Variants in PTPRM observed in about 807,000 individuals in gnomAD.
The protein encoded by PTPRM is receptor-type tyrosine-protein phosphatase mu.
Under a neutral mutation model 186.7 loss-of-function variants are expected in PTPRM, and 47 were observed. The ratio of observed to expected loss-of-function variants is 0.25; its 90% CI spans 0.20 to 0.32. The LOEUF (loss-of-function observed/expected upper bound fraction) is 0.32, where lower values mean the gene tolerates loss of function less well. Ranked by LOEUF, PTPRM falls within the 10% of genes least tolerant of loss-of-function variation. The pLI, the probability that PTPRM is intolerant of heterozygous loss-of-function variation, is 1.00. For synonymous variants in PTPRM, 668 were observed against 674.9 expected, an observed-to-expected ratio of 0.99 and a Z score of 0.16; for missense variants, 1,494 against 1,865.0, an observed-to-expected ratio of 0.80 and a Z score of 3.66.
intron 1 of PTPRM, among the ~76,000 whole-genome samples, chr18:7,631,903 A>G (rs1017632583): frequency 4.6e-5 from 7 of 152,212 alleles, no homozygotes; most frequent in African/African-American, 1.7e-4. Flanking sequence ...AACACTAAGT[A>G]TGGATGTTAT....
At position 7,865,618 on chromosome 18, in the gene PTPRM, T is replaced by G. The variant is rs570925642; in HGVS notation, c.197-22488T>G. Among the ~76,000 whole-genome samples the G allele has an allele frequency of 3.5e-4, 53 of 152,334 alleles. 1 individual carries two copies. Among genetic ancestry groups the G allele is most frequent in the Admixed American group, 1.7e-3 (26 of 15,294 alleles). On this transcript the variant is annotated intron_variant, in intron 2 of 32. Coordinates refer to ENST00000580170, the MANE Select transcript of PTPRM (RefSeq NM_001105244.2). The stretch of plus-strand genomic sequence containing the variant: ...TTTATTGAGGATTTTCACATCAATG[T>G]TCATCAGGGATATTGGCCTGAAATT...
intron 4 of PTPRM, among the ~76,000 whole-genome samples, chr18:7,924,860 A>G (rs564258252): frequency 6.6e-6 from 1 of 152,270 alleles, no homozygotes; most frequent in East Asian, 1.9e-4. Flanking sequence ...AGATAAGGAA[A>G]GGCACAGATG....
intron 11 of PTPRM, among the ~76,000 whole-genome samples, chr18:8,099,861 A>T (rs1375994106): frequency 6.6e-6 from 1 of 152,182 alleles, no homozygotes; most frequent in Non-Finnish European, 1.5e-5. Context: ...TAATTGTGTG[A>T]CCTGAAGTCA....
chr18:7,745,845 G>A (rs2040974319), intron 1 of PTPRM, among the ~76,000 whole-genome samples: 1 of 152,136 alleles, frequency 6.6e-6, no homozygotes, highest in Non-Finnish European at 1.5e-5. Flanking sequence ...ATCAGTTACT[G>A]GAAATTATAA....
intron 7 of PTPRM, among the ~76,000 whole-genome samples, chr18:8,017,411 AT>A (rs1340857200): frequency 6.6e-6 from 1 of 151,636 alleles, no homozygotes; most frequent in African/African-American, 2.4e-5. Flanking sequence ...ATATACAAAA[AT>A]TTTGTCCTAA....
At chr18:7,631,663 C>T (rs973540759) in intron 1 of PTPRM, among the ~76,000 whole-genome samples, 2 of 152,054 alleles carry the variant, frequency 1.3e-5, no homozygotes, top group African/African-American at 4.8e-5. Flanking sequence ...TTAAGAAGTT[C>T]ATCAGCTATT....
chr18:7,755,421 C>T (rs1331030946), intron 1 of PTPRM: 2 of 152,192 alleles, frequency 1.3e-5, no homozygotes, highest in Admixed American at 6.5e-5. Flanking sequence ...AAAATGGCAG[C>T]ACAGCCTTTT....
chr18:8,194,638 C>T (rs2093751854), intron 14 of PTPRM, among the ~76,000 whole-genome samples: 2 of 152,220 alleles, frequency 1.3e-5, no homozygotes, highest in African/African-American at 4.8e-5. Flanking sequence ...TGATTTATGG[C>T]ATAGGCAGCC....
At chr18:8,105,264 C>A (rs998268472) in intron 11 of PTPRM, among the ~76,000 whole-genome samples, 31 of 152,274 alleles carry the variant, frequency 2.0e-4, no homozygotes, top group African/African-American at 7.5e-4. Context: ...ATCACCACCA[C>A]CACTACCCCC....
At chr18:7,877,295 A>G (rs2048294260) in intron 2 of PTPRM, among the ~76,000 whole-genome samples, 1 of 152,304 alleles carries the variant, frequency 6.6e-6, no homozygotes, top group East Asian at 1.9e-4. Flanking sequence ...TTATATTTGA[A>G]AATTCATGTT....
intron 19 of PTPRM, among the ~76,000 whole-genome samples, chr18:8,278,772 A>T (rs533665456): frequency 6.6e-6 from 1 of 152,166 alleles, no homozygotes; most frequent in East Asian, 1.9e-4. Context: ...ATGCTCTGCT[A>T]CAAGTCTGCG....
chr18:8,129,571 T>C (rs190806523), intron 13 of PTPRM, among the ~76,000 whole-genome samples: 1 of 152,376 alleles, frequency 6.6e-6, no homozygotes, highest in East Asian at 1.9e-4. Context: ...GGCTGTGTTG[T>C]ACTGCTGTGT....
chr18:8,250,668 A>G (rs2094519876), intron 17 of PTPRM, among the ~76,000 whole-genome samples: 1 of 151,836 alleles, frequency 6.6e-6, no homozygotes, highest in South Asian at 2.1e-4. Flanking sequence ...ACACACCTGT[A>G]TTCCCAGCTA....
At chr18:8,293,168 A>G (rs932016272) in intron 19 of PTPRM, among the ~76,000 whole-genome samples, 3 of 152,232 alleles carry the variant, frequency 2.0e-5, no homozygotes, top group Admixed American at 2.0e-4. Context: ...TCTGTAGGAA[A>G]ACATTCTGGG....
chr18:7,578,375 G>T (rs1343006204), intron 1 of PTPRM, among the ~76,000 whole-genome samples: 2 of 137,068 alleles, frequency 1.5e-5, no homozygotes, highest in Non-Finnish European at 3.0e-5. Flanking sequence ...TTGCTCTGTC[G>T]CCCAGGCTGG....
In PTPRM at chr18:8,063,152, G is replaced by A. The variant is rs1335206989; in HGVS notation, c.1133-6534G>A. Among the ~76,000 whole-genome samples the A allele has an allele frequency of 4.0e-5, 6 of 151,142 alleles. No individual in the cohort carries two copies. In the South Asian group the frequency reaches 1.0e-3, roughly 26 times the overall value. On this transcript the variant is annotated intron_variant, in intron 7 of 32. Transcript: ENST00000580170. The stretch of plus-strand genomic sequence containing the variant: ...CCCTCCGAGCCAGGTGTGGGATATA[G>A]TCTCGTGGTGCGCCGTTTTTTAAGC...
At chr18:8,088,901 A>G in intron 11 of PTPRM, 50 bp downstream of exon 11, 1 of 1,368,024 alleles carries the variant, frequency 7.3e-7, no homozygotes, top group Non-Finnish European at 1.0e-6. Flanking sequence ...AACTAAATCA[A>G]GTTGATTAAT....
chr18:7,653,909 G>A (rs2038785722), intron 1 of PTPRM, among the ~76,000 whole-genome samples: 1 of 152,090 alleles, frequency 6.6e-6, no homozygotes, highest in African/African-American at 2.4e-5. Context: ...TTCCACAATG[G>A]CTGAACTGAT....
chr18:8,251,056 C>T (rs979931726), intron 17 of PTPRM, among the ~76,000 whole-genome samples: 1 of 152,008 alleles, frequency 6.6e-6, no homozygotes, highest in Non-Finnish European at 1.5e-5. Flanking sequence ...TGTTTAAATG[C>T]TTGAAGACGT....
Sources: allele counts gnomAD v4.1 joint callset (sites outside exome capture counted in the v4.1 genomes callset), GRCh38; gene constraint gnomAD v4.1.1; transcripts MANE v1.5; gene names NCBI Gene and HGNC (gene_info 2026-07-23, HGNC 2026-07-21).